Variants in MAN2A1 observed in about 807,000 individuals in gnomAD.
MAN2A1 encodes alpha-mannosidase 2.
A neutral mutation model predicts 142.6 loss-of-function variants in MAN2A1; 76 were observed. That is an observed-to-expected ratio of 0.53 (90% CI 0.44 to 0.65). The LOEUF is 0.65. Ranked by LOEUF, MAN2A1 falls within the 30% of genes least tolerant of loss-of-function variation. The pLI, the probability that MAN2A1 is intolerant of heterozygous loss-of-function variation, is 0.00. For synonymous variants in MAN2A1, 559 were observed against 473.2 expected (o/e 1.18, Z -2.35); for missense variants, 1,311 against 1,365.1 (o/e 0.96, Z 0.62).
chr5:109,727,942 GAC>G (rs146332506), intron 3 of MAN2A1, among the ~76,000 whole-genome samples: 2,810 of 152,276 alleles, frequency 0.018, 34 homozygotes, highest in Middle Eastern at 0.071. Context: ...TTTAAAAATA[GAC>G]ACAGTTTTTT....
At chr5:109,776,833 T>C (rs991631227) in intron 8 of MAN2A1, among the ~76,000 whole-genome samples, 22 of 152,134 alleles carry the variant, frequency 1.4e-4, no homozygotes, top group South Asian at 2.1e-4. Context: ...TTTTATACGA[T>C]GGGGACCATA....
chr5:109,738,239 T>G (rs1287724010), intron 4 of MAN2A1, among the ~76,000 whole-genome samples: 5 of 151,046 alleles, frequency 3.3e-5, no homozygotes, highest in South Asian at 4.2e-4. Flanking sequence ...TTATGTTTTT[T>G]TTTTTTTTTT....
chr5:109,770,621 A>G (rs1341008757), intron 7 of MAN2A1, 80 bp downstream of exon 7: 10 of 1,273,648 alleles, frequency 7.9e-6, no homozygotes, highest in African/African-American at 1.5e-5. Flanking sequence ...GGTTGAACAA[A>G]TGGGCTTTAT....
intron 13 of MAN2A1, among the ~76,000 whole-genome samples, chr5:109,819,051 G>T (rs1395421492): frequency 2.6e-5 from 4 of 152,170 alleles, no homozygotes; most frequent in African/African-American, 9.7e-5. Flanking sequence ...TAGCGTGAAA[G>T]TAATGTGCAT....
At chr5:109,777,507 A>G (rs1388870447) in intron 8 of MAN2A1, among the ~76,000 whole-genome samples, 2 of 152,044 alleles carry the variant, frequency 1.3e-5, no homozygotes, top group East Asian at 1.9e-4. Context: ...GTCTCCTACT[A>G]TGTAGCCTGC....
At chr5:109,827,030 A>G (rs1211348934) in intron 16 of MAN2A1, among the ~76,000 whole-genome samples, 1 of 152,202 alleles carries the variant, frequency 6.6e-6, no homozygotes, top group Non-Finnish European at 1.5e-5. Context: ...TTACTAAACT[A>G]GTTTTGGATA....
rs1186634639 is a variant in MAN2A1, at chr5:109,729,475, G to A, written c.669G>A (p.Trp223Ter). The A allele has an allele frequency of 2.6e-6, 4 of 1,566,374 alleles. No individual in the cohort carries two copies. The highest frequency in any genetic ancestry group is 2.0e-5 in the Admixed American group (1 of 50,822). The change falls in exon 4 of 22, where the codon TGG (tryptophan) becomes TGA (stop). Residue 223 changes from tryptophan (W) to a stop codon, truncating the protein, a stop_gained. Coordinates refer to ENST00000261483, the MANE Select transcript of MAN2A1 (RefSeq NM_002372.4). LOFTEE classifies it high-confidence loss of function. ...AGATCTCTTACCTTTCAAAGTGGTG[G>A]GATATTATAGATATTCAGAAGAAGG... ...WSEISYLSKW[W>*]DIIDIQKKDA...
chr5:109,781,294 G>T, intron 8 of MAN2A1, 102 bp from the exon 9 acceptor site: 3 of 638,810 alleles, frequency 4.7e-6, no homozygotes, highest in Admixed American at 3.6e-5. Context: ...TCTTAACTTG[G>T]AAACACATGT....
intron 3 of MAN2A1, among the ~76,000 whole-genome samples, chr5:109,722,682 C>G (rs1218084303): frequency 6.6e-6 from 1 of 152,158 alleles, no homozygotes; most frequent in Non-Finnish European, 1.5e-5. Context: ...TCCCAAAGTG[C>G]TGGGATTACA....
chr5:109,754,771 G>A (rs959585127), intron 4 of MAN2A1, among the ~76,000 whole-genome samples: 1 of 152,230 alleles, frequency 6.6e-6, no homozygotes, highest in Non-Finnish European at 1.5e-5. Flanking sequence ...GGAAGCTGAG[G>A]CGGGCAAATC....
At chr5:109,728,882 T>C (rs1476000119) in intron 3 of MAN2A1, among the ~76,000 whole-genome samples, 2 of 152,184 alleles carry the variant, frequency 1.3e-5, no homozygotes, top group African/African-American at 2.4e-5. Context: ...AATCTCTTTT[T>C]TCTTAGTTTA....
chr5:109,819,746 T>G lies in MAN2A1; in HGVS notation c.2187T>G (p.His729Gln), dbSNP rs1754571964. The G allele has an allele frequency of 6.2e-7, 1 of 1,612,198 alleles. No homozygotes were observed. Reference protein sequence around the residue: ...KILESASSNSHLADYVLYKNK... With the variant: ...KILESASSNSQLADYVLYKNK... ...TGGAATCAGCAAGTTCAAATTCACA[T>G]TTAGCTGATTATGTCTTGTATAAGA... Residue 729 changes from histidine (H) to glutamine (Q), a missense_variant, in exon 14 of 22, where the codon CAT (histidine) becomes CAG (glutamine). Physicochemically the swap from His to Gln is conservative, Grantham distance 24 (BLOSUM62 0). Transcript: ENST00000261483.
intron 2 of MAN2A1, among the ~76,000 whole-genome samples, chr5:109,714,176 ACT>A (rs1491212031): frequency 2.4e-4 from 28 of 119,144 alleles, no homozygotes; most frequent in Non-Finnish European, 4.3e-4. Flanking sequence ...GTAAGGTTAG[ACT>A]TTTTTTTTTT....
intron 1 of MAN2A1, among the ~76,000 whole-genome samples, chr5:109,710,211 T>C (rs898394233): frequency 6.6e-6 from 1 of 152,236 alleles, no homozygotes; most frequent in Non-Finnish European, 1.5e-5. Flanking sequence ...TAAATGAGAT[T>C]GAAAGTCATC....
At chr5:109,844,023 A>G (rs1755284618) in intron 17 of MAN2A1, among the ~76,000 whole-genome samples, 1 of 152,256 alleles carries the variant, frequency 6.6e-6, no homozygotes, top group Non-Finnish European at 1.5e-5. Flanking sequence ...ATTGCAGCAT[A>G]CATTCTGAAT....
rs201449190 is a variant in MAN2A1, at chr5:109,842,410, T to A, written c.2649T>A (p.Ser883=). 8.8e-6 allele frequency: 14 copies of A among 1,588,036 alleles called. No homozygotes were observed. The highest frequency in any genetic ancestry group is 3.3e-4 in the Middle Eastern group (2 of 5,990). Residue 883 remains serine, a synonymous_variant, in exon 17 of 22, where the codon TCT becomes TCA. Transcript: ENST00000261483. The part of the protein sequence containing the change: ...VYNREIAMKI[S]SDIKSQNRFY... ...ACCGTGAGATTGCAATGAAAATTTCTTCTGATATAAAAAGCCAAAATAGAT... is the reference window on the plus strand; with the variant it reads ...ACCGTGAGATTGCAATGAAAATTTCATCTGATATAAAAAGCCAAAATAGAT...
intron 1 of MAN2A1, among the ~76,000 whole-genome samples, chr5:109,700,524 A>G (rs1750949417): frequency 6.6e-6 from 1 of 152,136 alleles, no homozygotes; most frequent in South Asian, 2.1e-4. Context: ...GAGCATCGGA[A>G]CATTGAAGAC....
chr5:109,811,499 A>G (rs1342128381), intron 12 of MAN2A1, among the ~76,000 whole-genome samples: 1 of 151,766 alleles, frequency 6.6e-6, no homozygotes, highest in African/African-American at 2.4e-5. Flanking sequence ...TATATTATAC[A>G]TTCTGCTCAT....
chr5:109,774,399 T>TC (rs1753227052), intron 7 of MAN2A1, among the ~76,000 whole-genome samples: 5 of 152,162 alleles, frequency 3.3e-5, no homozygotes, highest in Admixed American at 1.3e-4. Flanking sequence ...GAAGTCCTTA[T>TC]TGTCTTACTA....
Sources: gnomAD v4.1 joint callset for allele counts (sites outside exome capture counted in the v4.1 genomes callset) on GRCh38, gnomAD v4.1.1 for gene constraint, MANE v1.5 for transcripts, NCBI Gene and HGNC (gene_info 2026-07-23, HGNC 2026-07-21) for gene names.